The following SRD5A2 variants were observed in gnomAD, a reference collection of about 807,000 sequenced individuals.
SRD5A2 encodes the protein 3-oxo-5-alpha-steroid 4-dehydrogenase 2.
SRD5A2 carries 30 observed loss-of-function variants against 27.4 expected under a neutral mutation model. That is an observed-to-expected ratio of 1.10 (90% confidence interval 0.82 to 1.49). The LOEUF (loss-of-function observed/expected upper bound fraction) is 1.49, where lower values mean the gene tolerates loss of function less well. Among genes scored for constraint, SRD5A2 ranks in the 40% most tolerant of loss-of-function variants. The pLI, the probability that SRD5A2 is intolerant of heterozygous loss-of-function variation, is 0.00. For missense variants in SRD5A2, 348 were observed against 323.4 expected (o/e 1.08, Z -0.58); for synonymous variants, 141 against 133.6 (o/e 1.06, Z -0.38).
chr2:31,602,744 A>T, the SRD5A2 span, among the ~76,000 whole-genome samples: 68 of 152,144 alleles, frequency 4.5e-4, no homozygotes, highest in African/African-American at 1.6e-3. Flanking sequence ...AGAACCCAGA[A>T]ATAAGACCTC....
chr2:31,657,171 C>G, the SRD5A2 span, among the ~76,000 whole-genome samples: 1 of 152,138 alleles, frequency 6.6e-6, no homozygotes, highest in Non-Finnish European at 1.5e-5. Flanking sequence ...TAGTTAATAA[C>G]AACCTGTCAA....
In SRD5A2 at chr2:31,561,396, C is replaced by T. The variant is rs140616756; in HGVS notation, c.281+19224G>A. ...CAAGACTTCTTCCCATCTTACTCTGCCATGCTGGAAGACAGGGCAGCCACA... is the reference window on the plus strand; with the variant it reads ...CAAGACTTCTTCCCATCTTACTCTGTCATGCTGGAAGACAGGGCAGCCACA... On this transcript the variant is annotated intron_variant, in intron 1 of 4. Transcript: ENST00000622030. Among the ~76,000 whole-genome samples, 12 of 152,276 alleles carry T rather than the reference C, an allele frequency of 7.9e-5. No individual in the cohort carries two copies. The East Asian group carries it at 2.3e-3, about 29-fold the overall frequency.
chr2:31,655,097 T>TTTTTTA, the SRD5A2 span, among the ~76,000 whole-genome samples: 1 of 152,086 alleles, frequency 6.6e-6, no homozygotes, highest in African/African-American at 2.4e-5. Context: ...TTTTTTTAAT[T>TTTTTTA]TTTTTATTTT....
the SRD5A2 span, among the ~76,000 whole-genome samples, chr2:31,638,911 TAA>T: frequency 6.6e-6 from 1 of 152,094 alleles, no homozygotes; most frequent in Non-Finnish European, 1.5e-5. Context: ...CCATTTATAT[TAA>T]GTGTTACTAT....
intron 1 of SRD5A2, among the ~76,000 whole-genome samples, chr2:31,538,430 GT>G (rs1666067895): frequency 6.6e-6 from 1 of 152,048 alleles, no homozygotes; most frequent in South Asian, 2.1e-4. Context: ...TTCCATCTGA[GT>G]TTAATCTCTC....
At chr2:31,608,560 A>G in the SRD5A2 span, among the ~76,000 whole-genome samples, 2 of 151,950 alleles carry the variant, frequency 1.3e-5, no homozygotes, top group Non-Finnish European at 2.9e-5. Flanking sequence ...GAAATAATAT[A>G]TAAATTCAAT....
At chr2:31,537,453 AC>A (rs1268262243) in intron 1 of SRD5A2, among the ~76,000 whole-genome samples, 3 of 152,106 alleles carry the variant, frequency 2.0e-5, no homozygotes, top group Non-Finnish European at 4.4e-5. Context: ...GAATCAATTT[AC>A]AACTCTCTTC....
intron 1 of SRD5A2, among the ~76,000 whole-genome samples, chr2:31,554,072 T>C (rs1359534549): frequency 6.6e-6 from 1 of 152,094 alleles, no homozygotes; most frequent in Non-Finnish European, 1.5e-5. Context: ...TTCCTACCCA[T>C]AACAGGAAGG....
the SRD5A2 span, among the ~76,000 whole-genome samples, chr2:31,598,111 C>T: frequency 2.0e-4 from 30 of 151,988 alleles, no homozygotes; most frequent in Admixed American, 3.9e-4. Flanking sequence ...TGGAATACTA[C>T]TCCTCAATAA....
intron 1 of SRD5A2, among the ~76,000 whole-genome samples, chr2:31,564,457 C>T (rs1417937467): frequency 6.6e-6 from 1 of 151,684 alleles, no homozygotes; most frequent in Non-Finnish European, 1.5e-5. Flanking sequence ...AGATATTTTC[C>T]TCAGCAAAAG....
At chr2:31,558,940 G>A (rs1408753995) in intron 1 of SRD5A2, among the ~76,000 whole-genome samples, 3 of 152,128 alleles carry the variant, frequency 2.0e-5, no homozygotes, top group East Asian at 1.9e-4. Context: ...GCATGACATC[G>A]CAAAGACCCT....
chr2:31,580,509 C>A (rs758194712), intron 1 of SRD5A2, 111 bp downstream of exon 1: 1 of 1,318,996 alleles, frequency 7.6e-7, no homozygotes, highest in East Asian at 2.7e-5. Context: ...TTCCTCACAG[C>A]GCCCCACGCT....
the SRD5A2 span, among the ~76,000 whole-genome samples, chr2:31,645,208 A>T: frequency 2.4e-4 from 37 of 152,064 alleles, no homozygotes; most frequent in African/African-American, 8.0e-4. Context: ...AATGAGTATT[A>T]AAAAAAACGT....
At chr2:31,659,781 C>T in the SRD5A2 span, among the ~76,000 whole-genome samples, 5 of 151,958 alleles carry the variant, frequency 3.3e-5, no homozygotes, top group African/African-American at 9.7e-5. Context: ...AGATTCAATG[C>T]TATTTCTATC....
In SRD5A2 at chr2:31,525,815, C is replaced by G. The variant is rs1572626686; in HGVS notation, c.*381G>C. On this transcript the variant is annotated 3_prime_UTR_variant, in exon 5 of 5. Transcript: ENST00000622030. ...CCTTTAATAAGGTCTATAAGTACTG[C>G]CTTCAAGTCAAAAAATTCTTGATTA... 1 of 250,160 alleles carries G rather than the reference C, an allele frequency of 4.0e-6. No individual in the cohort carries two copies. Among genetic ancestry groups the G allele is most frequent in the East Asian group, 5.6e-5 (1 of 17,898 alleles). 15.5% of individuals were successfully genotyped at this position (250,160 alleles called of 1,614,324 possible). A position where few individuals can be genotyped will look rare whatever the true frequency, so the allele number is the denominator to read the frequency against.
At chr2:31,580,588 T>A (rs1422559044) in intron 1 of SRD5A2, 32 bp downstream of exon 1, 2 of 1,495,134 alleles carry the variant, frequency 1.3e-6, no homozygotes, top group East Asian at 4.9e-5. Flanking sequence ...GGCAGTGCGC[T>A]GCACTGGGCG....
chr2:31,616,764 G>A, the SRD5A2 span, among the ~76,000 whole-genome samples: 3 of 152,194 alleles, frequency 2.0e-5, no homozygotes, highest in Admixed American at 6.5e-5. Context: ...ATGCTGACAT[G>A]AGTTAAGACT....
chr2:31,529,198 C>A lies in SRD5A2; in HGVS notation c.698+109G>T, dbSNP rs1401712151. ...ACCCAGATTATAGTATCAACCTTCC[C>A]TTAAAAAATTAAATATCTTCGGTTT... On this transcript the variant is annotated intron_variant, in intron 4 of 4. Transcript: ENST00000622030. The A allele has an allele frequency of 2.1e-6, 3 of 1,453,546 alleles. No homozygotes were observed. The African/African-American group carries it at 4.3e-5, about 21-fold the overall frequency. 90.0% of individuals were successfully genotyped at this position (1,453,546 alleles called of 1,614,324 possible).
At chr2:31,614,249 T>C in the SRD5A2 span, among the ~76,000 whole-genome samples, 1 of 152,304 alleles carries the variant, frequency 6.6e-6, no homozygotes, top group Non-Finnish European at 1.5e-5. Context: ...AAGCATTGGA[T>C]AAATACACTC....
Sources: gnomAD v4.1 joint callset for allele counts (sites outside exome capture counted in the v4.1 genomes callset) on GRCh38, gnomAD v4.1.1 for gene constraint, MANE v1.5 for transcripts, NCBI Gene and HGNC (gene_info 2026-07-23, HGNC 2026-07-21) for gene names.